Variants in MTAP observed in about 807,000 individuals in gnomAD.
MTAP encodes S-methyl-5'-thioadenosine phosphorylase.
MTAP carries 33 observed loss-of-function variants against 33.6 expected under a neutral mutation model. The ratio of observed to expected loss-of-function variants is 0.98; its 90% CI spans 0.74 to 1.31. MTAP has a LOEUF of 1.31. Ranked by LOEUF, MTAP falls within the 40% of genes most tolerant of loss-of-function variation. The pLI is 0.00. For synonymous variants in MTAP, 148 were observed against 125.7 expected, an observed-to-expected ratio of 1.18 and a Z score of -1.19; for missense variants, 367 against 360.0, an observed-to-expected ratio of 1.02 and a Z score of -0.16.
intron 1 of MTAP, among the ~76,000 whole-genome samples, chr9:21,912,315 C>T (rs1027329073): frequency 6.6e-6 from 1 of 152,152 alleles, no homozygotes; most frequent in African/African-American, 2.4e-5. Context: ...CAAAGCCTGG[C>T]AGAGACACAA....
chr9:21,923,398 A>G (rs1818819297), intron 1 of MTAP, among the ~76,000 whole-genome samples: 1 of 152,058 alleles, frequency 6.6e-6, no homozygotes, highest in Non-Finnish European at 1.5e-5. Context: ...CTTTGGGAGG[A>G]GAGAAAATTC....
chr9:21,865,668 C>T lies in MTAP; in HGVS notation c.*3654C>T. 2 of 1,008,918 alleles carry T rather than the reference C, an allele frequency of 2.0e-6. No homozygotes were observed. The highest frequency in any genetic ancestry group is 2.4e-6 in the Non-Finnish European group (2 of 842,124). The allele number at this position is 1,008,918 out of a possible 1,614,324, so 62.5% of individuals were successfully genotyped here. A position where few individuals can be genotyped will look rare whatever the true frequency, so the allele number is the denominator to read the frequency against. Reference sequence around the variant, plus strand: ...AATGCCAAAGATCGAGGAAATCTACCAAGACTAGTAGGGTAGTCCAGAAGA... The same window carrying T: ...AATGCCAAAGATCGAGGAAATCTACTAAGACTAGTAGGGTAGTCCAGAAGA... On this transcript the variant is annotated 3_prime_UTR_variant, in exon 8 of 8. Coordinates refer to ENST00000644715, the MANE Select transcript of MTAP (RefSeq NM_002451.4).
At chr9:21,896,784 G>T (rs1293623962) in intron 1 of MTAP, among the ~76,000 whole-genome samples, 1 of 152,160 alleles carries the variant, frequency 6.6e-6, no homozygotes, top group Admixed American at 6.5e-5. Context: ...TGGATTCACA[G>T]CCGAATTCTA....
chr9:21,916,080 A>AAAGGAAGG (rs375102585), intron 1 of MTAP, among the ~76,000 whole-genome samples: 2,063 of 116,972 alleles, frequency 0.018, 33 homozygotes, highest in Non-Finnish European at 0.022. Flanking sequence ...GGGAGGAAGG[A>AAAGGAAGG]AAGGAAGGAA....
chr9:21,939,658 G>A (rs1171700005), downstream of MTAP, among the ~76,000 whole-genome samples: 1 of 152,014 alleles, frequency 6.6e-6, no homozygotes, highest in Non-Finnish European at 1.5e-5. Flanking sequence ...GAGGCCAAGA[G>A]TTTGAGACCA....
chr9:21,883,097 G>A (rs988321407), intron 1 of MTAP, among the ~76,000 whole-genome samples: 3 of 151,286 alleles, frequency 2.0e-5, no homozygotes, highest in Non-Finnish European at 4.4e-5. Context: ...TTACAGAACA[G>A]GAGAAGATAT....
intron 1 of MTAP, among the ~76,000 whole-genome samples, chr9:21,807,796 G>C (rs1430612374): frequency 1.3e-5 from 2 of 152,212 alleles, no homozygotes; most frequent in East Asian, 3.8e-4. Context: ...TTTTTGCCAG[G>C]AGTGGTAGGG....
chr9:21,884,046 C>A (rs1818062799), intron 1 of MTAP, among the ~76,000 whole-genome samples: 2 of 152,052 alleles, frequency 1.3e-5, no homozygotes, highest in African/African-American at 4.8e-5. Flanking sequence ...GAAAAAATTG[C>A]AAGAAGTTTC....
chr9:21,814,702 TAAAA>T (rs927648973), intron 1 of MTAP, among the ~76,000 whole-genome samples: 3 of 152,030 alleles, frequency 2.0e-5, no homozygotes, highest in African/African-American at 7.2e-5. Context: ...TGCATGAACT[TAAAA>T]AAAACTTATA....
chr9:21,908,974 A>T (rs1818520483), intron 1 of MTAP, among the ~76,000 whole-genome samples: 2 of 152,036 alleles, frequency 1.3e-5, no homozygotes, highest in Admixed American at 6.6e-5. Context: ...GAACCACATC[A>T]ATCAGTGTTA....
At chr9:21,895,537 G>T (rs990219058) in intron 1 of MTAP, among the ~76,000 whole-genome samples, 10 of 152,186 alleles carry the variant, frequency 6.6e-5, no homozygotes, top group Admixed American at 2.0e-4. Context: ...GAAATGCCAG[G>T]GGTCGGGAAT....
At chr9:21,818,294 G>A (rs1824535488) in intron 4 of MTAP, 92 bp downstream of exon 4, 3 of 1,044,804 alleles carry the variant, frequency 2.9e-6, no homozygotes, top group South Asian at 1.5e-5. Context: ...GCAACTGGGA[G>A]GGCAGTGCCA....
chr9:21,818,309 C>T, intron 4 of MTAP, 107 bp downstream of exon 4: 1 of 420,112 alleles, frequency 2.4e-6, no homozygotes, highest in South Asian at 2.2e-5. Flanking sequence ...GTGCCACAGA[C>T]TCGCTTGCTT....
intron 1 of MTAP, among the ~76,000 whole-genome samples, chr9:21,915,039 C>CTTTCTTTCTTTCTTTCTTT (rs1818658248): frequency 1.2e-5 from 1 of 81,092 alleles, no homozygotes; most frequent in African/African-American, 7.5e-5. Context: ...TTCCTTCCTT[C>CTTTCTTTCTTTCTTTCTTT]CTTCCTTCCT....
intron 5 of MTAP, among the ~76,000 whole-genome samples, chr9:21,841,267 C>A (rs776863296): frequency 2.0e-5 from 3 of 152,350 alleles, no homozygotes; most frequent in Non-Finnish European, 4.4e-5. Flanking sequence ...CCCCCTACTC[C>A]TTCTGCAGCT....
At chr9:21,808,975 A>G (rs1300011705) in intron 1 of MTAP, 1 of 152,104 alleles carries the variant, frequency 6.6e-6, no homozygotes, top group African/African-American at 2.4e-5. Context: ...TCTCACCTTA[A>G]TGTTGGACTT....
intron 1 of MTAP, among the ~76,000 whole-genome samples, chr9:21,901,531 T>G (rs1204376020): frequency 2.0e-5 from 3 of 152,206 alleles, no homozygotes; most frequent in Non-Finnish European, 4.4e-5. Flanking sequence ...TGCATTTTGC[T>G]AGTTTTTCAT....
chr9:21,909,926 A>G (rs964973591), intron 1 of MTAP, among the ~76,000 whole-genome samples: 1 of 152,186 alleles, frequency 6.6e-6, no homozygotes, highest in Non-Finnish European at 1.5e-5. Flanking sequence ...ATTTAAATCC[A>G]TACAGTCTGT....
At chr9:21,926,731 C>A (rs1004749742) in intron 1 of MTAP, among the ~76,000 whole-genome samples, 4 of 152,116 alleles carry the variant, frequency 2.6e-5, no homozygotes, top group African/African-American at 7.2e-5. Context: ...TTAATCTGCT[C>A]CCCTACAAGA....
Sources: gnomAD v4.1 joint callset for allele counts (sites outside exome capture counted in the v4.1 genomes callset) on GRCh38, gnomAD v4.1.1 for gene constraint, MANE v1.5 for transcripts, NCBI Gene and HGNC (gene_info 2026-07-23, HGNC 2026-07-21) for gene names.